PPP1R8: variants seen among roughly 807,000 people sequenced by gnomAD.
PPP1R8 encodes nuclear inhibitor of protein phosphatase 1.
In PPP1R8, 4 loss-of-function variants were observed where a neutral mutation model predicts 31.3. The ratio of observed to expected loss-of-function variants is 0.13; its 90% CI spans 0.06 to 0.29. The LOEUF (loss-of-function observed/expected upper bound fraction) is 0.29, where lower values mean the gene tolerates loss of function less well. PPP1R8 is among the 10% of genes least tolerant of loss of function. The pLI is 1.00. For missense variants in PPP1R8, 254 were observed against 440.1 expected, an observed-to-expected ratio of 0.58 and a Z score of 3.78; for synonymous variants, 170 against 169.7, an observed-to-expected ratio of 1.00 and a Z score of -0.01.
At chr1:27,832,986 A>G (rs570907324) in intron 2 of PPP1R8, among the ~76,000 whole-genome samples, 170 bp downstream of exon 2, 2 of 151,932 alleles carry the variant, frequency 1.3e-5, no homozygotes, top group Non-Finnish European at 2.9e-5. Flanking sequence ...TTTAAAGCTT[A>G]TGTCTACCAC....
In PPP1R8 at chr1:27,843,257, C is replaced by T. The variant is rs1004999291; in HGVS notation, c.564C>T (p.Asp188=). 3 of 1,614,040 alleles carry T rather than the reference C, an allele frequency of 1.9e-6. No individual in the cohort carries two copies. The highest frequency in any genetic ancestry group is 1.7e-6 in the Non-Finnish European group (2 of 1,180,030). The change falls in exon 5 of 7, where the codon GAC becomes GAT. Residue 188 remains aspartate, a synonymous_variant. Transcript: ENST00000311772. ...STLTIEEGNL[D]IQRPKRKRKN... is the part of the protein sequence containing the mutation. ...TTACCATTGAGGAGGGAAATCTGGA[C>T]ATTCAAAGACCAAAGAGGAAGAGGA...
intron 5 of PPP1R8, 147 bp downstream of exon 5, chr1:27,843,477 T>C: frequency 2.1e-6 from 2 of 945,936 alleles, no homozygotes; most frequent in South Asian, 1.4e-5. Context: ...GCCAACAAGG[T>C]GAAACCCCAT....
intron 1 of PPP1R8, chr1:27,831,315 G>T: frequency 1.0e-6 from 1 of 996,414 alleles, no homozygotes; most frequent in Non-Finnish European, 1.2e-6. Flanking sequence ...TCCCTCTGTG[G>T]TTGCTGCATC....
At chr1:27,846,395 G>C (rs1259076514) in intron 5 of PPP1R8, among the ~76,000 whole-genome samples, 1 of 152,210 alleles carries the variant, frequency 6.6e-6, no homozygotes, top group Non-Finnish European at 1.5e-5. Context: ...TGAATTCAAG[G>C]GTGGGACAGT....
At chr1:27,847,760 G>A (rs2089299887) in intron 6 of PPP1R8, among the ~76,000 whole-genome samples, 1 of 152,094 alleles carries the variant, frequency 6.6e-6, no homozygotes, top group South Asian at 2.1e-4. Context: ...TTTATGTGCT[G>A]TTGAGTGAGT....
intron 6 of PPP1R8, among the ~76,000 whole-genome samples, chr1:27,847,981 G>A (rs556003277): frequency 3.9e-5 from 6 of 152,228 alleles, no homozygotes; most frequent in Non-Finnish European, 7.3e-5. Flanking sequence ...CTTTCTCTTC[G>A]GACTCAAAGT....
At chr1:27,840,385 C>G (rs2089211513) in intron 3 of PPP1R8, among the ~76,000 whole-genome samples, 1 of 152,164 alleles carries the variant, frequency 6.6e-6, no homozygotes, top group South Asian at 2.1e-4. Context: ...CTTTTCTCTC[C>G]CATTTTATAA....
At chr1:27,831,026 G>A in intron 1 of PPP1R8, 135 bp downstream of exon 1, 1 of 1,405,030 alleles carries the variant, frequency 7.1e-7, no homozygotes, top group Middle Eastern at 1.9e-4. Context: ...AAAACTGTTT[G>A]CTGCACCGGG....
intron 6 of PPP1R8, among the ~76,000 whole-genome samples, chr1:27,847,506 CAAA>C (rs78384567): frequency 2.6e-4 from 21 of 82,116 alleles, no homozygotes; most frequent in South Asian, 1.1e-3. Context: ...GACTCTGTCT[CAAA>C]AAAAAAAAAA....
intron 3 of PPP1R8, among the ~76,000 whole-genome samples, chr1:27,840,789 T>A (rs945327078): frequency 7.9e-5 from 12 of 152,154 alleles, no homozygotes; most frequent in African/African-American, 2.7e-4. Flanking sequence ...TAACACATGA[T>A]GGATGTGGTG....
intron 5 of PPP1R8, among the ~76,000 whole-genome samples, chr1:27,844,884 ATTTTTTTTTTTT>A (rs765514573): frequency 2.8e-5 from 2 of 72,396 alleles, no homozygotes; most frequent in Admixed American, 1.3e-4. Flanking sequence ...TGCCCGACTA[ATTTTTTTTTTTT>A]TTTTTTTTTT....
intron 6 of PPP1R8, among the ~76,000 whole-genome samples, chr1:27,847,492 G>A (rs1258384593): frequency 7.1e-6 from 1 of 141,420 alleles, no homozygotes; most frequent in Admixed American, 7.3e-5. Context: ...GGGCAACAGA[G>A]CAAGACTCTG....
intron 2 of PPP1R8, among the ~76,000 whole-genome samples, chr1:27,833,903 T>C (rs1277255050): frequency 6.6e-6 from 1 of 152,242 alleles, no homozygotes; most frequent in Non-Finnish European, 1.5e-5. Flanking sequence ...TCTCCTGTTA[T>C]GAATACATCA....
Position 27,844,884 on chromosome 1 carries a change from A to ATTT in PPP1R8, c.637+1582_637+1584dup, listed in dbSNP as rs765514573. On this transcript the variant is annotated intron_variant, in intron 5 of 6. Transcript: ENST00000311772. ...AGGCGCCCGCCACCATGCCCGACTA[A>ATTT]TTTTTTTTTTTTTTTTTTTTTTTTT... 7.2e-4 allele frequency among the ~76,000 whole-genome samples: 52 copies of ATTT among 72,370 alleles called. 4 individuals carry two copies. The highest frequency in any genetic ancestry group is 3.8e-3 in the African/African-American group (37 of 9,866). The allele number at this position is 72,370 out of a possible 152,430, so 47.5% of individuals were successfully genotyped here.
At chr1:27,841,516 G>C (rs1039264446) in intron 4 of PPP1R8, among the ~76,000 whole-genome samples, 1 of 152,202 alleles carries the variant, frequency 6.6e-6, no homozygotes, top group Non-Finnish European at 1.5e-5. Flanking sequence ...TAGAAGCTAA[G>C]ACTGGAAGCT....
Position 27,851,270 on chromosome 1 carries a change from G to A in PPP1R8, c.*824G>A. 1 of 296,044 alleles carries A rather than the reference G, an allele frequency of 3.4e-6. No individual in the cohort carries two copies. Among genetic ancestry groups the A allele is most frequent in the Non-Finnish European group, 6.7e-6 (1 of 148,666 alleles). The allele number at this position is 296,044 out of a possible 1,614,324, so 18.3% of individuals were successfully genotyped here. On this transcript the variant is annotated 3_prime_UTR_variant, in exon 7 of 7. Coordinates refer to ENST00000311772, the MANE Select transcript of PPP1R8 (RefSeq NM_014110.5). ...ATTCAAATTAAAAAGGAAAAGATTT[G>A]TTTGGAAGTAACTGGTGTCTCTAAG...
Position 27,837,292 on chromosome 1 carries a change from G to A in PPP1R8, c.118-1407G>A, listed in dbSNP as rs553597779. Among the ~76,000 whole-genome samples the A allele has an allele frequency of 5.9e-5, 9 of 151,850 alleles. No individual in the cohort carries two copies. The East Asian group carries it at 1.6e-3, about 26-fold the overall frequency. ...TAAAAATACAAAAAATTAGCTGGGC[G>A]TGGTGGCACACGCCTGTAGTCCCAG... On this transcript the variant is annotated intron_variant, in intron 2 of 6. Coordinates refer to ENST00000311772, the MANE Select transcript of PPP1R8 (RefSeq NM_014110.5).
Position 27,830,880 on chromosome 1 carries a change from C to T in PPP1R8, c.45C>T (p.Asp15=). 1.3e-6 allele frequency: 2 copies of T among 1,571,722 alleles called. No individual in the cohort carries two copies. Among genetic ancestry groups the T allele is most frequent in the Non-Finnish European group, 1.7e-6 (2 of 1,159,430 alleles). The stretch of plus-strand genomic sequence containing the variant: ...CCGGCTCTAGCCTCCCGCTGTTCGA[C>T]TGCCCAACCTGGTGAGTGGCGGGGC... The part of the protein sequence containing the change: ...ANSGSSLPLF[D]CPTWAGKPPP... The change falls in exon 1 of 7, where the codon GAC becomes GAT. Residue 15 remains aspartate, a synonymous_variant. Transcript: ENST00000311772.
In PPP1R8 at chr1:27,850,123, G is replaced by A; in HGVS notation, c.733G>A (p.Gly245Ser). 1 of 1,597,494 alleles carries A rather than the reference G, an allele frequency of 6.3e-7. No individual in the cohort carries two copies. Among genetic ancestry groups the A allele is most frequent in the East Asian group, 2.2e-5 (1 of 44,598 alleles). The change falls in exon 7 of 7, where the codon GGC becomes AGC. Residue 245 changes from glycine to serine, a missense_variant. Around this residue, in one of 6 missense-constraint regions of PPP1R8, gnomAD observed 105 missense variants for 128.0 expected, o/e 0.82. Transcript: ENST00000311772. ...GCGTGTGGAGGGCCCTGGCTCCCTG[G>A]GCCTGGAGGAATCAGGGAGCAGGCG... ...KKRVEGPGSL[G>S]LEESGSRRMQ... is the part of the protein sequence containing the mutation.
Sources: allele counts gnomAD v4.1 joint callset (sites outside exome capture counted in the v4.1 genomes callset), GRCh38; gene constraint gnomAD v4.1.1; regional missense constraint gnomAD v4.1.1; transcripts MANE v1.5; gene names NCBI Gene and HGNC (gene_info 2026-07-23, HGNC 2026-07-21).